SMAD1: variants seen among roughly 807,000 people sequenced by gnomAD.
The protein encoded by SMAD1 is MAD, mothers against decapentaplegic homolog 1.
A neutral mutation model predicts 41.6 loss-of-function variants in SMAD1; 6 were observed. The observed-to-expected ratio is 0.14, with a 90% CI of 0.08 to 0.28. The LOEUF is 0.28. SMAD1 is among the 10% of genes least tolerant of loss of function. The pLI is 1.00. For missense variants in SMAD1, 379 were observed against 582.6 expected (o/e 0.65, Z 3.60); for synonymous variants, 206 against 203.2 (o/e 1.01, Z -0.12).
At chr4:145,530,248 T>C (rs1051594177) in intron 2 of SMAD1, among the ~76,000 whole-genome samples, 10 of 152,042 alleles carry the variant, frequency 6.6e-5, no homozygotes, top group African/African-American at 2.2e-4. Context: ...CTACCAGGGG[T>C]GGATAGAAAG....
At position 145,515,561 on chromosome 4, in the gene SMAD1, A is replaced by G. The variant is rs138419224; in HGVS notation, c.400+548A>G. On this transcript the variant is annotated intron_variant, in intron 2 of 6. Coordinates refer to ENST00000302085, the MANE Select transcript of SMAD1 (RefSeq NM_005900.3). ...CTGTGGCATATTTCCTATGGTGAAT[A>G]TGAAGGAATTATATCCTTCTATGGA... Among the ~76,000 whole-genome samples the G allele has an allele frequency of 3.7e-3, 563 of 152,324 alleles. 3 individuals carry two copies. The highest frequency in any genetic ancestry group is 0.013 in the African/African-American group (531 of 41,566).
intron 1 of SMAD1, among the ~76,000 whole-genome samples, chr4:145,486,254 A>T (rs1728477457): frequency 6.6e-6 from 1 of 152,224 alleles, no homozygotes; most frequent in African/African-American, 2.4e-5. Flanking sequence ...TGGCATGAAA[A>T]TAATGCATTT....
At chr4:145,505,079 C>A (rs947448305) in intron 1 of SMAD1, among the ~76,000 whole-genome samples, 6 of 152,158 alleles carry the variant, frequency 3.9e-5, no homozygotes, top group Non-Finnish European at 5.9e-5. Context: ...AAATCATGAT[C>A]TATTTGGACA....
chr4:145,546,671 C>A, intron 4 of SMAD1, 32 bp from the exon 5 acceptor site: 1 of 1,529,496 alleles, frequency 6.5e-7, no homozygotes, highest in Non-Finnish European at 9.1e-7. Context: ...GAGGCACTAA[C>A]CTTGGTTGAT....
intron 2 of SMAD1, among the ~76,000 whole-genome samples, chr4:145,530,444 A>G (rs762619868): frequency 7.2e-5 from 11 of 152,162 alleles, no homozygotes; most frequent in Non-Finnish European, 1.5e-4. Context: ...CAGAGAAGGT[A>G]TTTTTCAAGA....
rs1730132260 is a variant in SMAD1, at chr4:145,512,424, T to G, written c.-176-2014T>G. ...CATTATGTCTCCTTAGTTCTTTATT[T>G]TTCATTTTTTCCCTCTCTTTGCATT... On this transcript the variant is annotated intron_variant, in intron 1 of 6. Transcript: ENST00000302085. Among the ~76,000 whole-genome samples, 6 of 152,238 alleles carry G rather than the reference T, an allele frequency of 3.9e-5. No homozygotes were observed. The South Asian group carries it at 1.2e-3, about 31-fold the overall frequency.
intron 2 of SMAD1, among the ~76,000 whole-genome samples, chr4:145,521,326 ATT>A (rs373355944): frequency 6.7e-6 from 1 of 149,180 alleles, no homozygotes; most frequent in African/African-American, 2.5e-5. Context: ...GCCATTGGCC[ATT>A]TTTTTTTTAA....
intron 5 of SMAD1, among the ~76,000 whole-genome samples, chr4:145,551,643 C>T (rs1004240395): frequency 5.3e-5 from 8 of 152,138 alleles, no homozygotes; most frequent in African/African-American, 1.7e-4. Flanking sequence ...ACAAGAGAAA[C>T]GCAGATGGCT....
At chr4:145,545,627 T>G (rs981516667) in intron 4 of SMAD1, 3 of 152,044 alleles carry the variant, frequency 2.0e-5, no homozygotes, top group Admixed American at 6.6e-5. Context: ...TAAAGTGCAT[T>G]TTAGTATTTG....
chr4:145,522,293 T>G (rs939313258), intron 2 of SMAD1, among the ~76,000 whole-genome samples: 5 of 149,598 alleles, frequency 3.3e-5, no homozygotes, highest in Non-Finnish European at 7.4e-5. Context: ...AGCAAGACTC[T>G]GTCTCAAAAA....
chr4:145,490,920 C>T (rs1472619601), intron 1 of SMAD1, among the ~76,000 whole-genome samples: 1 of 152,062 alleles, frequency 6.6e-6, no homozygotes, highest in Non-Finnish European at 1.5e-5. Context: ...AAAAACATTT[C>T]TTTTTCATTA....
At chr4:145,551,601 A>G (rs1438004177) in intron 5 of SMAD1, among the ~76,000 whole-genome samples, 2 of 152,232 alleles carry the variant, frequency 1.3e-5, no homozygotes, top group Non-Finnish European at 2.9e-5. Flanking sequence ...CCCCAGTGAG[A>G]TAAATAGGTA....
chr4:145,495,504 G>A (rs2126948775), intron 1 of SMAD1, among the ~76,000 whole-genome samples: 1 of 151,588 alleles, frequency 6.6e-6, no homozygotes, highest in East Asian at 1.9e-4. Context: ...ACATCTACTT[G>A]ATTGGAAAAC....
At chr4:145,546,973 G>C (rs1158647621) in intron 5 of SMAD1, 49 bp downstream of exon 5, 1 of 1,409,790 alleles carries the variant, frequency 7.1e-7, no homozygotes, top group Non-Finnish European at 1.0e-6. Flanking sequence ...TTGTGTCCCT[G>C]TTCCTCCAGA....
intron 1 of SMAD1, among the ~76,000 whole-genome samples, chr4:145,510,404 C>A (rs1730014194): frequency 6.6e-6 from 1 of 151,980 alleles, no homozygotes; most frequent in Non-Finnish European, 1.5e-5. Flanking sequence ...CTATAAATTT[C>A]CCTCTGTGCC....
intron 2 of SMAD1, among the ~76,000 whole-genome samples, chr4:145,520,052 TA>T (rs1357097931): frequency 2.0e-5 from 3 of 152,334 alleles, no homozygotes; most frequent in Admixed American, 1.3e-4. Context: ...TGCAGTAAGA[TA>T]TACCTTTCAC....
At chr4:145,505,049 G>A (rs1052905385) in intron 1 of SMAD1, among the ~76,000 whole-genome samples, 1 of 152,088 alleles carries the variant, frequency 6.6e-6, no homozygotes. Flanking sequence ...GAATTTTTCA[G>A]GTGTCTTTAT....
At chr4:145,490,092 TGA>T (rs1488428394) in intron 1 of SMAD1, among the ~76,000 whole-genome samples, 1 of 152,144 alleles carries the variant, frequency 6.6e-6, no homozygotes, top group African/African-American at 2.4e-5. Flanking sequence ...CATTAAGAAG[TGA>T]GAGAGTCTTA....
At chr4:145,554,072 C>G (rs1313804290) in intron 6 of SMAD1, 32 bp downstream of exon 6, 1 of 1,551,048 alleles carries the variant, frequency 6.4e-7, no homozygotes, top group Non-Finnish European at 8.7e-7. Context: ...CATTTAGGGC[C>G]TAACATACTT....
Sources: allele counts gnomAD v4.1 joint callset (sites outside exome capture counted in the v4.1 genomes callset), GRCh38; gene constraint gnomAD v4.1.1; transcripts MANE v1.5; gene names NCBI Gene and HGNC (gene_info 2026-07-23, HGNC 2026-07-21).